PCDHGB3: variants seen among roughly 807,000 people sequenced by gnomAD.
PCDHGB3 encodes protocadherin gamma subfamily B, 3, also known as protocadherin gamma-B3.
A neutral mutation model predicts 59.2 loss-of-function variants in PCDHGB3; 40 were observed. The ratio of observed to expected loss-of-function variants is 0.68; its 90% CI spans 0.52 to 0.88. The LOEUF (loss-of-function observed/expected upper bound fraction) is 0.88, where lower values mean the gene tolerates loss of function less well. PCDHGB3 is among the 40% of genes least tolerant of loss of function. The pLI is 0.00. For missense variants in PCDHGB3, 1,309 were observed against 1,187.9 expected, an observed-to-expected ratio of 1.10 and a Z score of -1.50; for synonymous variants, 581 against 503.6, an observed-to-expected ratio of 1.15 and a Z score of -2.06.
intron 1 of PCDHGB3, chr5:141,422,614 C>T (rs1207238896): frequency 6.2e-7 from 1 of 1,613,812 alleles, no homozygotes; most frequent in South Asian, 1.1e-5. Flanking sequence ...TGCCTACATT[C>T]CCGAAAACAA....
rs769655229 is a variant in PCDHGB3 at position 141,370,748 on chromosome 5, T to C, written c.354T>C (p.His118=). 2 of 1,613,824 alleles carry C rather than the reference T, an allele frequency of 1.2e-6. No homozygotes were observed. Among genetic ancestry groups the C allele is most frequent in the Non-Finnish European group, 8.5e-7 (1 of 1,179,896 alleles). The part of the protein sequence containing the change: ...MVAEKPLNFF[H]VTVLIQDIND... Reference sequence around the variant, plus strand: ...CTGAAAAGCCTTTAAACTTTTTTCATGTAACTGTGCTGATCCAGGATATTA... The same window carrying C: ...CTGAAAAGCCTTTAAACTTTTTTCACGTAACTGTGCTGATCCAGGATATTA... The change falls in exon 1 of 4, where the codon CAT becomes CAC. Residue 118 remains histidine (H), a synonymous_variant. Coordinates refer to ENST00000576222, the MANE Select transcript of PCDHGB3 (RefSeq NM_018924.5).
chr5:141,433,032 C>G, intron 1 of PCDHGB3: 1 of 1,614,188 alleles, frequency 6.2e-7, no homozygotes, highest in Non-Finnish European at 8.5e-7. Context: ...CACGAGGTTT[C>G]CCTCACCACG....
Position 141,383,223 on chromosome 5 carries a change from C to T in PCDHGB3, c.2415+10414C>T, listed in dbSNP as rs76873890. The T allele has an allele frequency of 1.7e-3, 2,674 of 1,613,922 alleles. 41 individuals are homozygous for T. In the African/African-American group the frequency reaches 0.031, roughly 19 times the overall value. Reference sequence around the variant, plus strand: ...CGCGGTGTCTGGTAAACTTTAACATCCTGATGGAAGATAAAATGAATCTTT... The same window carrying T: ...CGCGGTGTCTGGTAAACTTTAACATTCTGATGGAAGATAAAATGAATCTTT... On this transcript the variant is annotated intron_variant, in intron 1 of 3. Transcript: ENST00000576222.
intron 1 of PCDHGB3, chr5:141,393,645 G>A (rs2092814255): frequency 6.2e-7 from 1 of 1,613,752 alleles, no homozygotes; most frequent in Non-Finnish European, 8.5e-7. Flanking sequence ...CGGAAAAGTG[G>A]CATACAAATT....
At chr5:141,393,243 G>A in intron 1 of PCDHGB3, 4 of 1,613,784 alleles carry the variant, frequency 2.5e-6, no homozygotes, top group Non-Finnish European at 3.4e-6. Flanking sequence ...AAAAATTAAC[G>A]AAATCGCGGT....
intron 1 of PCDHGB3, chr5:141,388,940 C>T: frequency 6.2e-7 from 1 of 1,613,966 alleles, no homozygotes; most frequent in South Asian, 1.1e-5. Context: ...CTCTACCCAA[C>T]CTAATTATGG....
At chr5:141,383,538 A>G in intron 1 of PCDHGB3, 1 of 1,612,704 alleles carries the variant, frequency 6.2e-7, no homozygotes, top group African/African-American at 1.3e-5. Context: ...TGGTCCTCAC[A>G]GCCTCTGATG....
Position 141,371,425 on chromosome 5 carries a change from C to A in PCDHGB3, c.1031C>A (p.Ala344Asp). 1 of 1,613,882 alleles carries A rather than the reference C, an allele frequency of 6.2e-7. No homozygotes were observed. The highest frequency in any genetic ancestry group is 8.5e-7 in the Non-Finnish European group (1 of 1,179,804). The change falls in exon 1 of 4, where the codon GCC becomes GAC. Residue 344 changes from alanine (A) to aspartate (D), a missense_variant. By Grantham distance (126) the Ala-to-Asp change is moderately radical. Transcript: ENST00000576222. Reference sequence around the variant, plus strand: ...GATATTTCAGATGAAAATGACAATGCCCCGGAGATAACCCTGGCTTCTGAA... The same window carrying A: ...GATATTTCAGATGAAAATGACAATGACCCGGAGATAACCCTGGCTTCTGAA... ...QIDISDENDNAPEITLASESQ... is the reference protein window; with the variant it reads ...QIDISDENDNDPEITLASESQ...
chr5:141,374,934 T>C (rs1296373171), intron 1 of PCDHGB3: 2 of 1,614,038 alleles, frequency 1.2e-6, no homozygotes, highest in Admixed American at 1.7e-5. Context: ...TTTGTGAAGA[T>C]TACAGAAAAG....
intron 1 of PCDHGB3, among the ~76,000 whole-genome samples, chr5:141,406,034 A>T (rs1438349168): frequency 6.7e-6 from 1 of 149,160 alleles, no homozygotes; most frequent in Non-Finnish European, 1.5e-5. Flanking sequence ...GGGTTGCTTC[A>T]TTGGTTGCAG....
At chr5:141,421,770 G>T in intron 1 of PCDHGB3, 6 of 1,613,856 alleles carry the variant, frequency 3.7e-6, no homozygotes, top group East Asian at 2.2e-5. Context: ...ACTTTTCCTT[G>T]CAACTGCGGG....
chr5:141,423,751 G>GT, intron 1 of PCDHGB3: 12 of 349,026 alleles, frequency 3.4e-5, no homozygotes, highest in Non-Finnish European at 4.3e-5. Context: ...AAAACTGTTT[G>GT]GGGGGGGGGT....
chr5:141,423,762 G>GT, intron 1 of PCDHGB3: 1 of 264,254 alleles, frequency 3.8e-6, no homozygotes, highest in Non-Finnish European at 5.6e-6. Context: ...GGGGGGGGGT[G>GT]GGGCGGCATA....
chr5:141,458,873 C>T (rs1278498446), intron 1 of PCDHGB3, among the ~76,000 whole-genome samples: 2 of 152,148 alleles, frequency 1.3e-5, no homozygotes, highest in African/African-American at 4.8e-5. Context: ...GCTGGGACTA[C>T]AGGCATGCAC....
intron 3 of PCDHGB3, 93 bp downstream of exon 3, chr5:141,505,574 C>G: frequency 6.3e-7 from 1 of 1,593,636 alleles, no homozygotes; most frequent in South Asian, 1.1e-5. Flanking sequence ...GGATGTCAAA[C>G]CTGTGTAGTT....
At chr5:141,385,503 C>A in intron 1 of PCDHGB3, 1 of 1,379,554 alleles carries the variant, frequency 7.2e-7, no homozygotes, top group Non-Finnish European at 9.4e-7. Context: ...TATAGTATTT[C>A]TTTAGTGAAA....
intron 1 of PCDHGB3, chr5:141,384,915 G>C (rs1460379128): frequency 1.2e-6 from 2 of 1,613,914 alleles, no homozygotes; most frequent in Non-Finnish European, 1.7e-6. Context: ...CCGAAGTCTT[G>C]GCCGACCTGG....
At chr5:141,403,211 G>A (rs1253134514) in intron 1 of PCDHGB3, 2 of 1,613,856 alleles carry the variant, frequency 1.2e-6, no homozygotes, top group Non-Finnish European at 1.7e-6. Flanking sequence ...CTTGGTCACC[G>A]CGGGTAGGAT....
At chr5:141,413,020 C>G in intron 1 of PCDHGB3, 7 of 693,768 alleles carry the variant, frequency 1.0e-5, no homozygotes, top group Non-Finnish European at 1.4e-5. Context: ...CTACACAAGC[C>G]CCACAAACCG....
Sources: gnomAD v4.1 joint callset for allele counts (sites outside exome capture counted in the v4.1 genomes callset) on GRCh38, gnomAD v4.1.1 for gene constraint, MANE v1.5 for transcripts, NCBI Gene and HGNC (gene_info 2026-07-23, HGNC 2026-07-21) for gene names.